SPON2: variants seen among roughly 807,000 people sequenced by gnomAD.
SPON2 encodes the protein spondin 2, also known as spondin-2.
In SPON2, 32 loss-of-function variants were observed where a neutral mutation model predicts 29.9. The ratio of observed to expected loss-of-function variants is 1.07; its 90% CI spans 0.81 to 1.44. SPON2 has a LOEUF of 1.44. Ranked by LOEUF, SPON2 falls within the 40% of genes most tolerant of loss-of-function variation. The probability of loss-of-function intolerance (pLI) is 0.00; values close to 1 mark genes in which losing one functional copy is unlikely to be tolerated. For missense variants in SPON2, 541 were observed against 455.5 expected, an observed-to-expected ratio of 1.19 and a Z score of -1.71; for synonymous variants, 248 against 209.1, an observed-to-expected ratio of 1.19 and a Z score of -1.61.
chr4:1,170,797 C>T, intron 4 of SPON2: 2 of 959,524 alleles, frequency 2.1e-6, no homozygotes, highest in East Asian at 2.6e-5. Context: ...GCTGTCCTCC[C>T]TGCGGTGCTG....
upstream of SPON2, among the ~76,000 whole-genome samples, chr4:1,176,572 G>C (rs1034763074): frequency 7.9e-6 from 1 of 126,888 alleles, no homozygotes; most frequent in Non-Finnish European, 1.7e-5. Context: ...ATTCATTCAA[G>C]CATCCATTCA....
At chr4:1,172,934 C>CCTCCTCCCCTCCT (rs1727513195), upstream of SPON2, 4 of 128,362 alleles carry the variant, frequency 3.1e-5, no homozygotes, top group South Asian at 8.4e-4. Flanking sequence ...CCTCCCCTCC[C>CCTCCTCCCCTCCT]CCCTGTCCTC....
In SPON2 at chr4:1,171,424, G is replaced by T; in HGVS notation, c.283C>A (p.Arg95Ser). ...RKNQYVSNGL[R>S]DFAERGEAWA... ...GCCTCGCCGCGCTCCGCAAAGTCGCGCAGCCCGTTACTGACGTACTGGTTC... is the reference window on the plus strand; with the variant it reads ...GCCTCGCCGCGCTCCGCAAAGTCGCTCAGCCCGTTACTGACGTACTGGTTC... The change falls in exon 3 of 6, where the codon CGC (arginine) becomes AGC (serine). Residue 95 changes from arginine (R) to serine (S), a missense_variant. Coordinates refer to ENST00000290902, the MANE Select transcript of SPON2 (RefSeq NM_012445.4). The T allele has an allele frequency of 3.1e-6, 5 of 1,612,242 alleles. No individual in the cohort carries two copies. Among genetic ancestry groups the T allele is most frequent in the Non-Finnish European group, 4.2e-6 (5 of 1,179,766 alleles).
At chr4:1,176,381 A>G (rs1727593961), upstream of SPON2, among the ~76,000 whole-genome samples, 1 of 152,180 alleles carries the variant, frequency 6.6e-6, no homozygotes, top group Non-Finnish European at 1.5e-5. Context: ...CACACACAGT[A>G]CATTCATTCA....
chr4:1,179,830 G>C (rs1727673058), intron 1 of SPON2, among the ~76,000 whole-genome samples: 7 of 152,138 alleles, frequency 4.6e-5, no homozygotes. Flanking sequence ...CACTTGCAAA[G>C]CTGTCTGTTT....
intron 1 of SPON2, chr4:1,201,068 G>A (rs868837519): frequency 8.8e-6 from 4 of 452,352 alleles, no homozygotes; most frequent in Non-Finnish European, 1.8e-5. Context: ...CCACCCTGAC[G>A]AGGTTGGCCT....
chr4:1,173,920 G>T (rs2153077518), upstream of SPON2, among the ~76,000 whole-genome samples: 1 of 152,368 alleles, frequency 6.6e-6, no homozygotes, highest in South Asian at 2.1e-4. Context: ...GTCACTGAGG[G>T]CCAGGCGCAG....
chr4:1,198,990 T>C (rs1463766802), upstream of SPON2: 1 of 152,040 alleles, frequency 6.6e-6, no homozygotes, highest in Non-Finnish European at 1.5e-5. Flanking sequence ...TCGGAGGTTC[T>C]GGCAAACTTA....
At chr4:1,197,485 T>C (rs562922395), upstream of SPON2, among the ~76,000 whole-genome samples, 100 of 152,128 alleles carry the variant, frequency 6.6e-4, no homozygotes, top group African/African-American at 2.1e-3. Context: ...TAAATATCAA[T>C]CCATAAATAT....
chr4:1,171,461 G>A lies in SPON2; in HGVS notation c.246C>T (p.Ser82=), dbSNP rs995352949. 1 of 1,611,886 alleles carries A rather than the reference G, an allele frequency of 6.2e-7. No homozygotes were observed. Among genetic ancestry groups the A allele is most frequent in the African/African-American group, 1.3e-5 (1 of 74,830 alleles). The change falls in exon 3 of 6, where the codon AGC becomes AGT. Residue 82 remains serine (S), a synonymous_variant. Coordinates refer to ENST00000290902, the MANE Select transcript of SPON2 (RefSeq NM_012445.4). ...TGACGTACTGGTTCTTCCTCCACAT[G>A]CTGTAGTCGGAGCTATGCGCGGCCC... ...LLGAAHSSDY[S]MWRKNQYVSN...
intron 1 of SPON2, among the ~76,000 whole-genome samples, chr4:1,206,480 C>T (rs1728346072): frequency 6.6e-6 from 1 of 152,228 alleles, no homozygotes; most frequent in Non-Finnish European, 1.5e-5. Context: ...GAGGGAGTGA[C>T]CTGGAGGGCC....
At chr4:1,189,035 T>G (rs1727855019) in intron 1 of SPON2, among the ~76,000 whole-genome samples, 1 of 152,106 alleles carries the variant, frequency 6.6e-6, no homozygotes, top group Admixed American at 6.6e-5. Context: ...AGAAAGAAAT[T>G]TGGGTAATTA....
chr4:1,192,830 G>C (rs1393752470), intron 1 of SPON2, among the ~76,000 whole-genome samples: 2 of 152,226 alleles, frequency 1.3e-5, no homozygotes, highest in Non-Finnish European at 2.9e-5. Context: ...CCACGGCCCA[G>C]CATCAAGCCC....
Position 1,189,968 on chromosome 4 carries a change from T to C in SPON2, c.-239+5022A>G, listed in dbSNP as rs1727881891. Among the ~76,000 whole-genome samples, 4 of 133,184 alleles carry C rather than the reference T, an allele frequency of 3.0e-5. 1 individual carries two copies. In the South Asian group the frequency reaches 1.0e-3, roughly 34 times the overall value. The allele number at this position is 133,184 out of a possible 152,430, so 87.4% of individuals were successfully genotyped here. ...TCATGCCACTGCACTCCAGCCTGGG[T>C]GACAGAGTGAGACTCCATCTCAAAA... is the stretch of plus-strand genomic sequence containing the variant. On this transcript the variant is annotated intron_variant, in intron 1 of 3. Coordinates refer to the SPON2 transcript ENST00000502483.
intron 1 of SPON2, among the ~76,000 whole-genome samples, chr4:1,190,773 CA>C (rs2108665614): frequency 6.6e-6 from 1 of 152,264 alleles, no homozygotes; most frequent in East Asian, 1.9e-4. Context: ...GCTGAAAATA[CA>C]GACCAATATT....
intron 1 of SPON2, among the ~76,000 whole-genome samples, chr4:1,206,543 T>C (rs780228698): frequency 2.2e-4 from 33 of 152,144 alleles, no homozygotes; most frequent in Non-Finnish European, 3.1e-4. Flanking sequence ...CCAGGACAGA[T>C]GTGTCCCCTG....
chr4:1,201,105 A>C (rs1323921282), intron 1 of SPON2: 1 of 455,208 alleles, frequency 2.2e-6, no homozygotes, highest in East Asian at 7.0e-5. Flanking sequence ...CACCCTGCCC[A>C]CATGGCCCTC....
intron 1 of SPON2, among the ~76,000 whole-genome samples, chr4:1,192,351 G>A (rs1055586717): frequency 7.9e-5 from 12 of 152,376 alleles, no homozygotes; most frequent in African/African-American, 2.6e-4. Flanking sequence ...AGGGTTGGCT[G>A]TGGAGCCAAG....
In SPON2 at chr4:1,171,112, G is replaced by T. The variant is rs991535375; in HGVS notation, c.523C>A (p.Arg175Ser). The T allele has an allele frequency of 2.1e-5, 33 of 1,551,418 alleles. No individual in the cohort carries two copies. Among genetic ancestry groups the T allele is most frequent in the Non-Finnish European group, 2.9e-5 (33 of 1,147,374 alleles). Residue 175 changes from arginine to serine, a missense_variant, in exon 4 of 6, where the codon CGT becomes AGT. Coordinates refer to ENST00000290902, the MANE Select transcript of SPON2 (RefSeq NM_012445.4). ...TCCAGCGCCGCCTGTTCCCGCCAAC[G>T]GTCCCCGTCGCACAGGTCCAGGCTG... Reference protein sequence around the residue: ...VDSLDLCDGDRWREQAALDLY... With the variant: ...VDSLDLCDGDSWREQAALDLY...
Sources: allele counts gnomAD v4.1 joint callset (sites outside exome capture counted in the v4.1 genomes callset), GRCh38; gene constraint gnomAD v4.1.1; transcripts MANE v1.5; gene names NCBI Gene and HGNC (gene_info 2026-07-23, HGNC 2026-07-21).